Variants in LRCH1 observed in about 807,000 individuals in gnomAD.
LRCH1 encodes leucine rich repeats and calponin homology domain containing 1, also known as leucine-rich repeat and calponin homology domain-containing protein 1.
A neutral mutation model predicts 94.9 loss-of-function variants in LRCH1; 23 were observed. The observed-to-expected ratio is 0.24, with a 90% CI of 0.17 to 0.34. The LOEUF (loss-of-function observed/expected upper bound fraction) is 0.34, where lower values mean the gene tolerates loss of function less well. LRCH1 is among the 10% of genes least tolerant of loss of function. The probability of loss-of-function intolerance (pLI) is 1.00; values close to 1 mark genes in which losing one functional copy is unlikely to be tolerated. For synonymous variants in LRCH1, 364 were observed against 354.9 expected (o/e 1.03, Z -0.29); for missense variants, 790 against 945.9 (o/e 0.84, Z 2.16).
intron 1 of LRCH1, among the ~76,000 whole-genome samples, chr13:46,614,701 T>C (rs2050785747): frequency 6.6e-6 from 1 of 152,210 alleles, no homozygotes; most frequent in African/African-American, 2.4e-5. Flanking sequence ...AATTCCCTTA[T>C]GTATTTTTGT....
At chr13:46,700,829 T>C (rs1871426648) in intron 10 of LRCH1, among the ~76,000 whole-genome samples, 1 of 152,142 alleles carries the variant, frequency 6.6e-6, no homozygotes, top group African/African-American at 2.4e-5. Context: ...GGTGAAAGCC[T>C]CTCATCTAGG....
intron 1 of LRCH1, among the ~76,000 whole-genome samples, chr13:46,641,585 C>T (rs559211364): frequency 6.6e-6 from 1 of 152,266 alleles, no homozygotes; most frequent in Non-Finnish European, 1.5e-5. Flanking sequence ...TTTTGACTTT[C>T]AAGATGAGAT....
chr13:46,716,156 A>G (rs546086941), intron 16 of LRCH1, among the ~76,000 whole-genome samples: 1 of 152,110 alleles, frequency 6.6e-6, no homozygotes, highest in Non-Finnish European at 1.5e-5. Flanking sequence ...AAGATAAATC[A>G]TTTGCCTTCT....
Position 46,742,137 on chromosome 13 carries a change from T to G in LRCH1, c.*289T>G. On this transcript the variant is annotated 3_prime_UTR_variant, in exon 20 of 20. Coordinates refer to ENST00000389797, the MANE Select transcript of LRCH1 (RefSeq NM_001164211.2). ...TAGTGCCAGCAGCAGTGCCACGCAG[T>G]TCCTCCTCTCCCTCCCGGTGAGCTG... 2 of 1,232,712 alleles carry G rather than the reference T, an allele frequency of 1.6e-6. No homozygotes were observed. The highest frequency in any genetic ancestry group is 4.4e-5 in the East Asian group (1 of 22,842). The allele number at this position is 1,232,712 out of a possible 1,614,324, so 76.4% of individuals were successfully genotyped here. A position where few individuals can be genotyped will look rare whatever the true frequency, so the allele number is the denominator to read the frequency against.
At chr13:46,602,875 G>A (rs370097511) in intron 1 of LRCH1, among the ~76,000 whole-genome samples, 3 of 152,100 alleles carry the variant, frequency 2.0e-5, no homozygotes, top group African/African-American at 7.2e-5. Flanking sequence ...ATTGAGCCCC[G>A]GAGGTCAGTG....
intron 16 of LRCH1, among the ~76,000 whole-genome samples, chr13:46,716,458 A>T (rs1016849470): frequency 6.6e-6 from 1 of 152,250 alleles, no homozygotes; most frequent in African/African-American, 2.4e-5. Flanking sequence ...ATTTTACTTC[A>T]GAATACAAAG....
chr13:46,715,382 C>CATGCACCATCTTTCATTCTTCTCCT (rs1323989765), intron 15 of LRCH1, among the ~76,000 whole-genome samples, 178 bp from the exon 16 acceptor site: 3 of 152,112 alleles, frequency 2.0e-5, no homozygotes, highest in Non-Finnish European at 4.4e-5. Flanking sequence ...CTTTTTATTC[C>CATGCACCATCTTTCATTCTTCTCCT]ATGCACCATC....
intron 8 of LRCH1, among the ~76,000 whole-genome samples, chr13:46,694,249 T>C (rs1871060207): frequency 6.6e-6 from 1 of 152,226 alleles, no homozygotes; most frequent in Non-Finnish European, 1.5e-5. Context: ...AGTATGGTTC[T>C]TTTTCATCTT....
At chr13:46,628,266 T>G (rs979918220) in intron 1 of LRCH1, among the ~76,000 whole-genome samples, 2 of 151,792 alleles carry the variant, frequency 1.3e-5, no homozygotes, top group Non-Finnish European at 2.9e-5. Context: ...GGCTGGTGAG[T>G]ACTGGGAGAC....
chr13:46,605,376 G>C (rs181402474), intron 1 of LRCH1, among the ~76,000 whole-genome samples: 1 of 152,110 alleles, frequency 6.6e-6, no homozygotes, highest in Admixed American at 6.5e-5. Flanking sequence ...CAGAAGCCTT[G>C]TGCCTTTTAT....
intron 2 of LRCH1, among the ~76,000 whole-genome samples, chr13:46,667,927 A>G (rs2051542439): frequency 6.6e-6 from 1 of 152,248 alleles, no homozygotes. Flanking sequence ...TCACATACAC[A>G]GATACATGCA....
chr13:46,595,984 G>A (rs1028404117), intron 1 of LRCH1, among the ~76,000 whole-genome samples: 8 of 152,096 alleles, frequency 5.3e-5, no homozygotes, highest in South Asian at 2.1e-4. Context: ...TAATGAAGGT[G>A]TAAAAGTGTT....
intron 1 of LRCH1, among the ~76,000 whole-genome samples, chr13:46,641,667 C>T (rs541797887): frequency 4.6e-5 from 7 of 152,278 alleles, no homozygotes; most frequent in African/African-American, 1.4e-4. Flanking sequence ...GGCATGGCTG[C>T]TCGATGGCTC....
At chr13:46,578,996 C>A (rs35687527) in intron 1 of LRCH1, among the ~76,000 whole-genome samples, 2,517 of 152,260 alleles carry the variant, frequency 0.017, 31 homozygotes, top group Non-Finnish European at 0.023. Flanking sequence ...AATTCACTCC[C>A]TCATGAAGAA....
rs112880156 is a variant in LRCH1, at chr13:46,697,987, C to T, written c.1246-1349C>T. Among the ~76,000 whole-genome samples the T allele has an allele frequency of 4.0e-3, 602 of 152,296 alleles. 4 individuals are homozygous for T. Among genetic ancestry groups the T allele is most frequent in the African/African-American group, 0.014 (576 of 41,558 alleles). ...AACCCAACAAAACGAAGTAAGAACA[C>T]GTTGTCTTGGTCATTTCTGGTAGTA... On this transcript the variant is annotated intron_variant, in intron 9 of 19. Transcript: ENST00000389797.
At chr13:46,657,692 A>ATTTTTTTTTTTT (rs55823488) in intron 2 of LRCH1, among the ~76,000 whole-genome samples, 14,105 of 45,256 alleles carry the variant, frequency 0.31, 3,689 homozygotes, top group East Asian at 0.39. Context: ...TGCCCAGCTA[A>ATTTTTTTTTTTT]TTTTTTTTTT....
At chr13:46,686,367 T>C (rs921091881) in intron 5 of LRCH1, among the ~76,000 whole-genome samples, 2 of 152,212 alleles carry the variant, frequency 1.3e-5, no homozygotes, top group Non-Finnish European at 2.9e-5. Context: ...GTCTGGATTC[T>C]TCTTGGGCTC....
intron 15 of LRCH1, among the ~76,000 whole-genome samples, chr13:46,714,200 T>G (rs1444762893): frequency 6.6e-6 from 1 of 152,212 alleles, no homozygotes; most frequent in East Asian, 1.9e-4. Context: ...TCTATAATGC[T>G]GACTAACCAA....
intron 1 of LRCH1, among the ~76,000 whole-genome samples, chr13:46,637,163 C>T (rs2051101527): frequency 1.3e-5 from 2 of 152,144 alleles, no homozygotes; most frequent in African/African-American, 4.8e-5. Context: ...CTCTCAAACC[C>T]CCATCCAATC....
Sources: allele counts gnomAD v4.1 joint callset (sites outside exome capture counted in the v4.1 genomes callset), GRCh38; gene constraint gnomAD v4.1.1; transcripts MANE v1.5; gene names NCBI Gene and HGNC (gene_info 2026-07-23, HGNC 2026-07-21).